The following GRM7 variants were observed in gnomAD, a reference collection of about 807,000 sequenced individuals.
GRM7 encodes glutamate metabotropic receptor 7, also known as metabotropic glutamate receptor 7.
In GRM7, 35 loss-of-function variants were observed where a neutral mutation model predicts 84.5. The ratio of observed to expected loss-of-function variants is 0.41; its 90% CI spans 0.32 to 0.55. The LOEUF (loss-of-function observed/expected upper bound fraction) is 0.55. GRM7 is among the 20% of genes least tolerant of loss of function. The pLI is 0.19. For missense variants in GRM7, 1,003 were observed against 1,194.6 expected (o/e 0.84, Z 2.36); for synonymous variants, 487 against 455.1 (o/e 1.07, Z -0.89).
intron 7 of GRM7, among the ~76,000 whole-genome samples, chr3:7,513,494 G>C (rs1018984354): frequency 6.6e-6 from 1 of 151,978 alleles, no homozygotes; most frequent in Non-Finnish European, 1.5e-5. Flanking sequence ...GATGGCTAAT[G>C]AATATAAAAA....
At chr3:6,964,541 TCTTCCACATGC>T in intron 1 of GRM7, among the ~76,000 whole-genome samples, 1 of 152,148 alleles carries the variant, frequency 6.6e-6, no homozygotes, top group Admixed American at 6.5e-5. Context: ...TCACTCTACT[TCTTCCACATGC>T]CTTCATAATA....
At chr3:7,309,671 C>A (rs1700322606) in intron 4 of GRM7, among the ~76,000 whole-genome samples, 1 of 152,130 alleles carries the variant, frequency 6.6e-6, no homozygotes, top group Admixed American at 6.6e-5. Flanking sequence ...GGCCAAAATG[C>A]TGGCAGATTT....
At chr3:7,016,227 TAC>T (rs1305278854) in intron 1 of GRM7, among the ~76,000 whole-genome samples, 3 of 152,200 alleles carry the variant, frequency 2.0e-5, no homozygotes, top group Admixed American at 6.5e-5. Flanking sequence ...GAAAAAGTGT[TAC>T]CAAAACACCA....
At chr3:7,645,545 TTAA>T (rs1384562971) in intron 8 of GRM7, among the ~76,000 whole-genome samples, 4 of 53,070 alleles carry the variant, frequency 7.5e-5, no homozygotes, top group African/African-American at 1.2e-4. Flanking sequence ...AGACTCCATC[TTAA>T]AAAAAAAAAA....
At chr3:7,713,400 AG>A (rs1383022193) in intron 9 of GRM7, among the ~76,000 whole-genome samples, 3 of 151,980 alleles carry the variant, frequency 2.0e-5, no homozygotes, top group Non-Finnish European at 4.4e-5. Flanking sequence ...AGTCTCCCAA[AG>A]TGCTGAGATT....
At chr3:7,286,889 C>A (rs1699449667) in intron 2 of GRM7, among the ~76,000 whole-genome samples, 1 of 152,090 alleles carries the variant, frequency 6.6e-6, no homozygotes, top group Non-Finnish European at 1.5e-5. Context: ...CCACAAAAGA[C>A]AAATATATTT....
At chr3:7,025,848 G>A (rs574590826) in intron 1 of GRM7, among the ~76,000 whole-genome samples, 5 of 152,268 alleles carry the variant, frequency 3.3e-5, no homozygotes, top group South Asian at 2.1e-4. Flanking sequence ...AAATTCCACT[G>A]TGCATGGGGA....
chr3:7,073,185 A>G (rs1216176582), intron 1 of GRM7, among the ~76,000 whole-genome samples: 1 of 152,136 alleles, frequency 6.6e-6, no homozygotes, highest in Non-Finnish European at 1.5e-5. Context: ...TTAATTTCCA[A>G]GGAGGTAGAG....
chr3:7,439,223 A>G (rs1272391889), intron 5 of GRM7, among the ~76,000 whole-genome samples: 1 of 152,120 alleles, frequency 6.6e-6, no homozygotes, highest in Non-Finnish European at 1.5e-5. Context: ...TTTCCAGACT[A>G]CCTTTCCAAG....
chr3:7,086,018 A>G (rs1698446546), intron 1 of GRM7, among the ~76,000 whole-genome samples: 1 of 149,826 alleles, frequency 6.7e-6, no homozygotes, highest in Admixed American at 6.7e-5. Context: ...GGACAGTAAA[A>G]GTTCTTTCCT....
chr3:7,399,466 A>G (rs890722795), intron 4 of GRM7, among the ~76,000 whole-genome samples: 1 of 152,096 alleles, frequency 6.6e-6, no homozygotes, highest in Non-Finnish European at 1.5e-5. Flanking sequence ...TCCTCCGGTA[A>G]TGAGCAAATG....
chr3:7,589,437 T>G (rs1489506153), intron 8 of GRM7, among the ~76,000 whole-genome samples: 1 of 152,156 alleles, frequency 6.6e-6, no homozygotes, highest in African/African-American at 2.4e-5. Context: ...GTTTCTAAAT[T>G]TGGACATTAC....
chr3:6,863,750 A>C lies in GRM7; in HGVS notation c.519+1843A>C, dbSNP rs1694844410. 6.6e-6 allele frequency among the ~76,000 whole-genome samples: 1 copy of C among 152,156 alleles called. No individual in the cohort carries two copies. The highest frequency in any genetic ancestry group is 1.5e-5 in the Non-Finnish European group (1 of 68,040). ...ACCACTGGGGGCTGGGGTAGGTTAC[A>C]GTGTTTTCCCTGTTAGCCTGTGGGG... On this transcript the variant is annotated intron_variant, in intron 1 of 9. Transcript: ENST00000357716. This position sits in a 1 kb window ranked among gnomAD's most constrained non-coding sequence, Gnocchi z 4.8.
At chr3:7,211,698 CG>C (rs950622188) in intron 2 of GRM7, among the ~76,000 whole-genome samples, 29 of 144,986 alleles carry the variant, frequency 2.0e-4, no homozygotes, top group African/African-American at 7.5e-4. Flanking sequence ...TTCTTTGTTG[CG>C]GATGTCAACA....
At chr3:7,121,354 C>CATCT (rs1693213352) in intron 1 of GRM7, among the ~76,000 whole-genome samples, 1 of 151,744 alleles carries the variant, frequency 6.6e-6, no homozygotes, top group Non-Finnish European at 1.5e-5. Context: ...TCCATCCATC[C>CATCT]ATCCATCCAT....
intron 8 of GRM7, among the ~76,000 whole-genome samples, chr3:7,604,299 C>T (rs1339686791): frequency 1.3e-5 from 2 of 152,118 alleles, no homozygotes; most frequent in Admixed American, 6.6e-5. Context: ...ATAGGTGGAA[C>T]AAGCATTCAT....
chr3:6,906,163 A>G (rs151290571), intron 1 of GRM7, among the ~76,000 whole-genome samples: 162 of 152,302 alleles, frequency 1.1e-3, no homozygotes, highest in African/African-American at 3.2e-3. Flanking sequence ...CGCCTCACTT[A>G]CATCTTTCAT....
At chr3:7,673,149 C>A (rs1699990210) in intron 8 of GRM7, among the ~76,000 whole-genome samples, 2 of 152,114 alleles carry the variant, frequency 1.3e-5, no homozygotes. Context: ...ATCATTTGAT[C>A]CCAACAGCGT....
chr3:7,026,611 G>C (rs1296037810), intron 1 of GRM7, among the ~76,000 whole-genome samples: 1 of 152,170 alleles, frequency 6.6e-6, no homozygotes, highest in Non-Finnish European at 1.5e-5. Context: ...GCACACAAGA[G>C]AGGGGAAAAA....
Sources: allele counts gnomAD v4.1 joint callset (sites outside exome capture counted in the v4.1 genomes callset), GRCh38; gene constraint gnomAD v4.1.1; non-coding constraint Gnocchi (gnomAD v3.1); transcripts MANE v1.5; gene names NCBI Gene and HGNC (gene_info 2026-07-23, HGNC 2026-07-21).